Variants in FBLN2 observed in about 807,000 individuals in gnomAD.
The protein encoded by FBLN2 is fibulin 2.
A neutral mutation model predicts 123.7 loss-of-function variants in FBLN2; 81 were observed. The observed-to-expected ratio is 0.65, with a 90% CI of 0.55 to 0.79. FBLN2 has a LOEUF of 0.79. FBLN2 is among the 30% of genes least tolerant of loss of function. The probability of loss-of-function intolerance (pLI) is 0.00; values close to 1 mark genes in which losing one functional copy is unlikely to be tolerated. For missense variants in FBLN2, 1,603 were observed against 1,681.3 expected (o/e 0.95, Z 0.81); for synonymous variants, 699 against 701.4 (o/e 1.00, Z 0.05).
intron 1 of FBLN2, among the ~76,000 whole-genome samples, chr3:13,554,486 A>C (rs1226247205): frequency 6.6e-6 from 1 of 151,336 alleles, no homozygotes; most frequent in African/African-American, 2.4e-5. Flanking sequence ...TCGTCAAAAA[A>C]CATTGATGAG....
Position 13,621,813 on chromosome 3 carries a change from C to T in FBLN2, c.2194C>T (p.Arg732Trp), listed in dbSNP as rs763148915. 3.0e-5 allele frequency: 48 copies of T among 1,613,880 alleles called. No individual in the cohort carries two copies. Among genetic ancestry groups the T allele is most frequent in the East Asian group, 1.3e-4 (6 of 44,896 alleles). The stretch of plus-strand genomic sequence containing the variant: ...CCTGATGGGTGCTCACGATTGTAGC[C>T]GGCGACAGTTCTGTGTGAACACCCT... ...ECLMGAHDCS[R>W]RQFCVNTLGS... Residue 732 changes from arginine to tryptophan, a missense_variant, in exon 9 of 18, where the codon CGG (arginine) becomes TGG (tryptophan). By Grantham distance (101) the Arg-to-Trp change is moderately radical. Coordinates refer to ENST00000404922, the MANE Select transcript of FBLN2 (RefSeq NM_001004019.2).
In FBLN2 at chr3:13,570,482, A is replaced by G; in HGVS notation, c.127A>G (p.Asn43Asp). The change falls in exon 2 of 18, where the codon AAC becomes GAC. Residue 43 changes from asparagine (N) to aspartate (D), a missense_variant. Transcript: ENST00000404922. ...CTGVECPPLE[N>D]CIEEALEPGA... is the part of the protein sequence containing the mutation. ...GGGCGTGGAGTGCCCGCCGCTGGAGAACTGCATTGAGGAGGCGCTGGAGCC... is the reference window on the plus strand; with the variant it reads ...GGGCGTGGAGTGCCCGCCGCTGGAGGACTGCATTGAGGAGGCGCTGGAGCC... 2.5e-6 allele frequency: 4 copies of G among 1,583,324 alleles called. No individual in the cohort carries two copies. Among genetic ancestry groups the G allele is most frequent in the Non-Finnish European group, 3.4e-6 (4 of 1,165,702 alleles).
At chr3:13,610,897 AATTATTATTATTATT>A (rs112793079) in intron 4 of FBLN2, among the ~76,000 whole-genome samples, 1 of 144,804 alleles carries the variant, frequency 6.9e-6, no homozygotes, top group South Asian at 2.2e-4. Flanking sequence ...CCTTGTTTTA[AATTATTATTATTATT>A]ATTATTATTA....
At chr3:13,574,687 C>G (rs1704077543) in intron 2 of FBLN2, among the ~76,000 whole-genome samples, 1 of 152,174 alleles carries the variant, frequency 6.6e-6, no homozygotes. Flanking sequence ...CCATTACCTC[C>G]CTTTCTGCAG....
intron 9 of FBLN2, among the ~76,000 whole-genome samples, chr3:13,622,953 G>A (rs1452081029): frequency 6.6e-6 from 1 of 152,228 alleles, no homozygotes; most frequent in African/African-American, 2.4e-5. Flanking sequence ...TCAAATAAAG[G>A]TATAGAAGTA....
chr3:13,606,774 C>G (rs1250072198), intron 2 of FBLN2, among the ~76,000 whole-genome samples: 1 of 152,152 alleles, frequency 6.6e-6, no homozygotes, highest in Non-Finnish European at 1.5e-5. Context: ...GCCTCAGCCT[C>G]CCGAGTAGCT....
Position 13,609,585 on chromosome 3 carries a change from G to A in FBLN2, c.1491G>A (p.Lys497=). 6.4e-7 allele frequency: 1 copy of A among 1,565,908 alleles called. No homozygotes were observed. The highest frequency in any genetic ancestry group is 8.7e-7 in the Non-Finnish European group (1 of 1,155,164). The change falls in exon 4 of 18, where the codon AAG becomes AAA. Residue 497 remains lysine (K), a synonymous_variant. Transcript: ENST00000404922. The part of the protein sequence containing the change: ...KSCMAGVLGA[K]EGETCGAEDN... Reference sequence around the variant, plus strand: ...GCATGGCCGGCGTCCTGGGAGCCAAGGAGGGTGAGACCTGTGGGGCTGAGG... The same window carrying A: ...GCATGGCCGGCGTCCTGGGAGCCAAAGAGGGTGAGACCTGTGGGGCTGAGG...
At chr3:13,556,503 C>T (rs1703468352) in intron 1 of FBLN2, among the ~76,000 whole-genome samples, 1 of 152,174 alleles carries the variant, frequency 6.6e-6, no homozygotes, top group African/African-American at 2.4e-5. Context: ...CCACTGGGGT[C>T]AGGGCTTTCA....
At chr3:13,571,994 G>T (rs916357304) in intron 2 of FBLN2, among the ~76,000 whole-genome samples, 3 of 152,190 alleles carry the variant, frequency 2.0e-5, no homozygotes, top group African/African-American at 7.2e-5. Context: ...CCTCAGCCCG[G>T]TAGGCCCCCA....
At chr3:13,617,306 T>G (rs1490917207) in intron 5 of FBLN2, among the ~76,000 whole-genome samples, 1 of 148,698 alleles carries the variant, frequency 6.7e-6, no homozygotes, top group Non-Finnish European at 1.5e-5. Flanking sequence ...ATCCATCCAT[T>G]CAGCCCCACA....
Position 13,638,133 on chromosome 3 carries a change from GCACGGTGGGC to G in FBLN2, c.*220_*229del. The G allele has an allele frequency of 1.5e-6, 1 of 657,314 alleles. No homozygotes were observed. The highest frequency in any genetic ancestry group is 2.7e-6 in the Non-Finnish European group (1 of 372,638). The allele number at this position is 657,314 out of a possible 1,614,324, so 40.7% of individuals were successfully genotyped here. On this transcript the variant is annotated 3_prime_UTR_variant, in exon 18 of 18. Transcript: ENST00000404922. ...CCACGCAGGCACCAAGTGGAAGCTT[GCACGGTGGGC>G]CACGGCCGTGGCGGGTGCCCTGTGG... is the stretch of plus-strand genomic sequence containing the variant.
intron 2 of FBLN2, among the ~76,000 whole-genome samples, chr3:13,589,007 T>C (rs1559409996): frequency 6.6e-6 from 1 of 152,220 alleles, no homozygotes; most frequent in Non-Finnish European, 1.5e-5. Flanking sequence ...TCTTAGGTAA[T>C]AGCAGTTCCT....
At chr3:13,635,978 G>A (rs944332713) in intron 16 of FBLN2, among the ~76,000 whole-genome samples, 5 of 152,270 alleles carry the variant, frequency 3.3e-5, no homozygotes, top group Non-Finnish European at 7.4e-5. Flanking sequence ...ATCCTGGAGG[G>A]GGTGACTCAA....
intron 2 of FBLN2, among the ~76,000 whole-genome samples, chr3:13,574,744 C>T (rs958850827): frequency 6.6e-6 from 1 of 152,174 alleles, no homozygotes; most frequent in African/African-American, 2.4e-5. Flanking sequence ...CTTCTCCTCA[C>T]CAAGGGCTGC....
intron 3 of FBLN2, among the ~76,000 whole-genome samples, chr3:13,609,118 C>T (rs1163620943): frequency 6.6e-6 from 1 of 152,198 alleles, no homozygotes; most frequent in African/African-American, 2.4e-5. Context: ...ATTTGTCAGC[C>T]ACCTCTGCCC....
At chr3:13,616,696 G>A (rs1036702447) in intron 5 of FBLN2, among the ~76,000 whole-genome samples, 2 of 152,226 alleles carry the variant, frequency 1.3e-5, no homozygotes, top group Non-Finnish European at 2.9e-5. Flanking sequence ...TAGAGGGGCT[G>A]TAGGCCTCCC....
At chr3:13,622,549 C>A (rs1574992996) in intron 9 of FBLN2, among the ~76,000 whole-genome samples, 1 of 152,190 alleles carries the variant, frequency 6.6e-6, no homozygotes. Flanking sequence ...GCGGAGCTCT[C>A]CTCTCTGAGC....
chr3:13,549,631 C>A (rs972761957), intron 1 of FBLN2, among the ~76,000 whole-genome samples: 5 of 151,090 alleles, frequency 3.3e-5, no homozygotes, highest in South Asian at 4.2e-4. Context: ...CCGGGTCAAC[C>A]CCCTCGGGGA....
chr3:13,575,085 A>T (rs1704092805), intron 2 of FBLN2, among the ~76,000 whole-genome samples: 1 of 152,238 alleles, frequency 6.6e-6, no homozygotes, highest in South Asian at 2.1e-4. Context: ...ACAGACGGTG[A>T]CTAATCATCG....
Sources: allele counts gnomAD v4.1 joint callset (sites outside exome capture counted in the v4.1 genomes callset), GRCh38; gene constraint gnomAD v4.1.1; transcripts MANE v1.5; gene names NCBI Gene and HGNC (gene_info 2026-07-23, HGNC 2026-07-21).